The following SEMA6D variants were observed in gnomAD, a reference collection of about 807,000 sequenced individuals.
SEMA6D encodes the protein semaphorin 6D, also known as semaphorin-6D.
In SEMA6D, 35 loss-of-function variants were observed where a neutral mutation model predicts 106.6. That is an observed-to-expected ratio of 0.33 (90% CI 0.25 to 0.44). SEMA6D has a LOEUF of 0.44. Ranked by LOEUF, SEMA6D falls within the 20% of genes least tolerant of loss-of-function variation. SEMA6D has a pLI of 1.00. For synonymous variants in SEMA6D, 499 were observed against 487.7 expected (o/e 1.02, Z -0.31); for missense variants, 1,185 against 1,345.9 (o/e 0.88, Z 1.87).
chr15:47,341,530 G>A (rs975536753), intron 1 of SEMA6D, among the ~76,000 whole-genome samples: 3 of 152,084 alleles, frequency 2.0e-5, no homozygotes, highest in African/African-American at 7.2e-5. Flanking sequence ...GTATGATTGT[G>A]GACAGATTGT....
At chr15:47,692,257 C>T (rs2078603476) in intron 4 of SEMA6D, among the ~76,000 whole-genome samples, 1 of 152,142 alleles carries the variant, frequency 6.6e-6, no homozygotes, top group Admixed American at 6.5e-5. Context: ...TAGAAAGGTA[C>T]TTTCCTCCCG....
intron 4 of SEMA6D, among the ~76,000 whole-genome samples, chr15:47,601,626 G>T (rs188315886): frequency 6.6e-6 from 1 of 152,284 alleles, no homozygotes; most frequent in East Asian, 1.9e-4. Flanking sequence ...TAAGATTGGG[G>T]TGGATTTCTA....
chr15:47,614,500 G>A (rs984196577), intron 4 of SEMA6D, among the ~76,000 whole-genome samples: 4 of 152,180 alleles, frequency 2.6e-5, no homozygotes, highest in Non-Finnish European at 4.4e-5. Flanking sequence ...TGAAAGAGCT[G>A]AGCTTCCTGT....
chr15:47,239,935 A>G (rs911322385), intron 1 of SEMA6D, among the ~76,000 whole-genome samples: 6 of 152,192 alleles, frequency 3.9e-5, no homozygotes, highest in African/African-American at 7.2e-5. Flanking sequence ...GGTAATATTT[A>G]TCTTTAAAAG....
intron 4 of SEMA6D, among the ~76,000 whole-genome samples, chr15:47,695,098 C>T (rs1439487166): frequency 6.6e-6 from 1 of 152,170 alleles, no homozygotes; most frequent in Admixed American, 6.5e-5. Flanking sequence ...ATTGCCTAGC[C>T]ACTAGGTGGT....
At chr15:47,594,712 A>G (rs2076503911) in intron 3 of SEMA6D, among the ~76,000 whole-genome samples, 1 of 152,230 alleles carries the variant, frequency 6.6e-6, no homozygotes, top group African/African-American at 2.4e-5. Flanking sequence ...TATAATTTAT[A>G]GTTTGATGAG....
At chr15:47,565,594 C>T (rs1202374002) in intron 3 of SEMA6D, among the ~76,000 whole-genome samples, 1 of 152,180 alleles carries the variant, frequency 6.6e-6, no homozygotes, top group Admixed American at 6.5e-5. Flanking sequence ...CTGTACAATT[C>T]TGAATCTGGG....
intron 1 of SEMA6D, among the ~76,000 whole-genome samples, chr15:47,278,932 G>A (rs1366837987): frequency 6.9e-6 from 1 of 145,710 alleles, no homozygotes; most frequent in Non-Finnish European, 1.5e-5. Flanking sequence ...GTAGATATGC[G>A]GCGTTATTTC....
At chr15:47,293,345 A>G (rs2035669166) in intron 1 of SEMA6D, among the ~76,000 whole-genome samples, 1 of 152,110 alleles carries the variant, frequency 6.6e-6, no homozygotes, top group Non-Finnish European at 1.5e-5. Context: ...CTTATTCTTT[A>G]ATTCCTTAAG....
chr15:47,204,786 A>G (rs904479125), intron 1 of SEMA6D, among the ~76,000 whole-genome samples: 16 of 152,208 alleles, frequency 1.1e-4, no homozygotes, highest in South Asian at 4.1e-4. Flanking sequence ...CATGTACAGC[A>G]TATTTTAAGT....
intron 1 of SEMA6D, among the ~76,000 whole-genome samples, chr15:47,196,477 G>A (rs756310517): frequency 4.2e-4 from 64 of 152,104 alleles, no homozygotes; most frequent in Non-Finnish European, 2.5e-4. Flanking sequence ...AAAAAAGACA[G>A]CCCCCCTAAA....
intron 4 of SEMA6D, among the ~76,000 whole-genome samples, chr15:47,630,784 G>A (rs546498532): frequency 2.6e-5 from 4 of 151,800 alleles, no homozygotes; most frequent in African/African-American, 4.8e-5. Context: ...TTCCTATTTT[G>A]CTAAGATTTT....
intron 2 of SEMA6D, among the ~76,000 whole-genome samples, chr15:47,422,176 G>GCCTT (rs1345421540): frequency 2.1e-3 from 159 of 74,772 alleles, no homozygotes; most frequent in Admixed American, 0.013. Context: ...CCGCCCGCCT[G>GCCTT]CCTGCCTTCC....
intron 1 of SEMA6D, among the ~76,000 whole-genome samples, chr15:47,325,492 A>C (rs2037096660): frequency 6.6e-6 from 1 of 152,220 alleles, no homozygotes; most frequent in South Asian, 2.1e-4. Flanking sequence ...TTTTAGATCC[A>C]AGCTCTGTCA....
intron 1 of SEMA6D, among the ~76,000 whole-genome samples, chr15:47,213,222 G>A (rs941829962): frequency 2.6e-5 from 4 of 152,138 alleles, no homozygotes; most frequent in Non-Finnish European, 5.9e-5. Flanking sequence ...ATTTTGGACC[G>A]CACAAATACA....
chr15:47,319,817 A>G (rs1281125276), intron 1 of SEMA6D, among the ~76,000 whole-genome samples: 2 of 152,016 alleles, frequency 1.3e-5, no homozygotes, highest in Non-Finnish European at 2.9e-5. Flanking sequence ...ATGCAGGTAA[A>G]TCTCACAATA....
intron 3 of SEMA6D, among the ~76,000 whole-genome samples, chr15:47,570,210 TG>T (rs1362182101): frequency 6.6e-6 from 1 of 152,170 alleles, no homozygotes; most frequent in Non-Finnish European, 1.5e-5. Context: ...CCTCAATCCC[TG>T]CTCTGACTGC....
intron 4 of SEMA6D, among the ~76,000 whole-genome samples, chr15:47,646,673 C>G (rs2077587736): frequency 6.6e-6 from 1 of 152,152 alleles, no homozygotes; most frequent in South Asian, 2.1e-4. Context: ...CCTTCACTTT[C>G]TCGGAATATG....
intron 1 of SEMA6D, among the ~76,000 whole-genome samples, chr15:47,307,285 T>C (rs942103910): frequency 6.6e-6 from 1 of 152,238 alleles, no homozygotes; most frequent in African/African-American, 2.4e-5. Context: ...TGCAAATTTA[T>C]GATATCATTT....
Sources: gnomAD v4.1 joint callset for allele counts (sites outside exome capture counted in the v4.1 genomes callset) on GRCh38, gnomAD v4.1.1 for gene constraint, MANE v1.5 for transcripts, NCBI Gene and HGNC (gene_info 2026-07-23, HGNC 2026-07-21) for gene names.